The following FGGY variants were observed in gnomAD, a reference collection of about 807,000 sequenced individuals.
FGGY encodes FGGY carbohydrate kinase domain containing.
Under a neutral mutation model 71.3 loss-of-function variants are expected in FGGY, and 72 were observed. That is an observed-to-expected ratio of 1.01 (90% CI 0.84 to 1.23). FGGY has a LOEUF of 1.23. Ranked by LOEUF, FGGY falls within the 50% of genes most tolerant of loss-of-function variation. FGGY has a pLI of 0.00. For synonymous variants in FGGY, 251 were observed against 250.3 expected (o/e 1.00, Z -0.02); for missense variants, 668 against 682.3 (o/e 0.98, Z 0.23).
At chr1:59,580,342 C>T (rs994065108) in intron 8 of FGGY, among the ~76,000 whole-genome samples, 1 of 152,098 alleles carries the variant, frequency 6.6e-6, no homozygotes, top group Non-Finnish European at 1.5e-5. Context: ...TTGCTTTAGC[C>T]TTTCCACATG....
At chr1:59,548,242 A>C (rs2095556192) in intron 7 of FGGY, among the ~76,000 whole-genome samples, 1 of 152,180 alleles carries the variant, frequency 6.6e-6, no homozygotes, top group African/African-American at 2.4e-5. Context: ...AGGATATCCT[A>C]GGCAGAGGGA....
chr1:59,583,820 C>T (rs2096236996), intron 8 of FGGY, among the ~76,000 whole-genome samples: 4 of 141,912 alleles, frequency 2.8e-5, no homozygotes, highest in Admixed American at 2.8e-4. Flanking sequence ...AGTGAGAGGT[C>T]CAAATTCAAC....
intron 4 of FGGY, among the ~76,000 whole-genome samples, chr1:59,366,128 C>A (rs2056544194): frequency 6.6e-6 from 1 of 152,152 alleles, no homozygotes; most frequent in South Asian, 2.1e-4. Flanking sequence ...GGGAAATCAA[C>A]TCTAGTGTGG....
chr1:59,571,099 A>G (rs1235069081), intron 8 of FGGY, among the ~76,000 whole-genome samples: 1 of 152,180 alleles, frequency 6.6e-6, no homozygotes, highest in Admixed American at 6.5e-5. Context: ...GTAGTGGAAC[A>G]TTGGTGATGC....
At chr1:59,437,216 T>C (rs2068658170) in intron 5 of FGGY, among the ~76,000 whole-genome samples, 1 of 152,232 alleles carries the variant, frequency 6.6e-6, no homozygotes, top group African/African-American at 2.4e-5. Flanking sequence ...TGTGTGAAGA[T>C]GTCTGCCATG....
intron 4 of FGGY, among the ~76,000 whole-genome samples, chr1:59,357,079 C>G (rs1032669473): frequency 1.3e-5 from 2 of 152,166 alleles, no homozygotes; most frequent in African/African-American, 4.8e-5. Flanking sequence ...GCTGTTAGGG[C>G]ATGTGTTGTG....
In FGGY at chr1:59,721,906, A is replaced by G. The variant is rs2097900119; in HGVS notation, c.1513-36025A>G. Reference sequence around the variant, plus strand: ...CTTCTGCAGATTCCCTGAGGACAGCAATATCCAATAGTGTTTACTTGTTTT... The same window carrying G: ...CTTCTGCAGATTCCCTGAGGACAGCGATATCCAATAGTGTTTACTTGTTTT... On this transcript the variant is annotated intron_variant, in intron 14 of 15. Coordinates refer to ENST00000303721, the MANE Select transcript of FGGY (RefSeq NM_018291.5). Among the ~76,000 whole-genome samples the G allele has an allele frequency of 1.3e-5, 2 of 152,222 alleles. 1 individual carries two copies. The highest frequency in any genetic ancestry group is 1.3e-4 in the Admixed American group (2 of 15,282).
chr1:59,463,100 C>T (rs2092367472), intron 6 of FGGY, among the ~76,000 whole-genome samples: 1 of 151,916 alleles, frequency 6.6e-6, no homozygotes, highest in Non-Finnish European at 1.5e-5. Context: ...AAATGTGGCA[C>T]ATATACACCA....
chr1:59,628,719 T>A lies in FGGY; in HGVS notation c.1073+2670T>A, dbSNP rs1288533546. ...CAGGCTGTTTAAGTAAAGTAAGATA[T>A]TTTTATAGAATTATCAGAGAAACCC... is the stretch of plus-strand genomic sequence containing the variant. On this transcript the variant is annotated intron_variant, in intron 10 of 15. Coordinates refer to ENST00000303721, the MANE Select transcript of FGGY (RefSeq NM_018291.5). 3.3e-5 allele frequency among the ~76,000 whole-genome samples: 5 copies of A among 152,172 alleles called. No individual in the cohort carries two copies. In the South Asian group the frequency reaches 1.0e-3, roughly 32 times the overall value.
intron 10 of FGGY, among the ~76,000 whole-genome samples, chr1:59,627,469 TATATATATATATATATATATAC>T (rs1459999344): frequency 3.9e-5 from 5 of 128,696 alleles, no homozygotes; most frequent in Admixed American, 7.5e-5. Flanking sequence ...TATATATATA[TATATATATATATATATATATAC>T]ACACACACAC....
At chr1:59,734,131 A>G (rs2098076810) in intron 14 of FGGY, among the ~76,000 whole-genome samples, 1 of 152,110 alleles carries the variant, frequency 6.6e-6, no homozygotes, top group Non-Finnish European at 1.5e-5. Flanking sequence ...TCATTCCTCA[A>G]GTATCAGTTT....
At chr1:59,740,141 A>G (rs2098136038) in intron 14 of FGGY, among the ~76,000 whole-genome samples, 1 of 152,274 alleles carries the variant, frequency 6.6e-6, no homozygotes, top group East Asian at 1.9e-4. Flanking sequence ...ATCATTAGGT[A>G]CTTGTTTCTT....
chr1:59,419,019 ATGGCTGAAAAC>A (rs2064971877), intron 5 of FGGY, among the ~76,000 whole-genome samples: 1 of 152,122 alleles, frequency 6.6e-6, no homozygotes, highest in Non-Finnish European at 1.5e-5. Flanking sequence ...GACGTTTGGT[ATGGCTGAAAAC>A]TGGCTGTAGG....
intron 9 of FGGY, among the ~76,000 whole-genome samples, chr1:59,622,424 G>A (rs538607174): frequency 6.6e-6 from 1 of 152,096 alleles, no homozygotes; most frequent in South Asian, 2.1e-4. Context: ...TATTATTTCT[G>A]TTTCTCTTTT....
intron 6 of FGGY, among the ~76,000 whole-genome samples, chr1:59,507,684 A>ATTTTTTTTTTTTTTTTTTTTTTTTTTT (rs561953004): frequency 1.7e-4 from 18 of 106,904 alleles, no homozygotes; most frequent in African/African-American, 4.9e-4. Flanking sequence ...TGCTTGGCTA[A>ATTTTTTTTTTTTTTTTTTTTTTTTTTT]TTTTTTTTTT....
At chr1:59,547,046 G>T (rs1350327299) in intron 7 of FGGY, among the ~76,000 whole-genome samples, 2 of 144,430 alleles carry the variant, frequency 1.4e-5, no homozygotes, top group Non-Finnish European at 3.0e-5. Flanking sequence ...TCCACCTCCT[G>T]CATTCAAGCA....
At chr1:59,654,541 T>C (rs556102397) in intron 11 of FGGY, among the ~76,000 whole-genome samples, 2 of 152,162 alleles carry the variant, frequency 1.3e-5, no homozygotes, top group South Asian at 4.2e-4. Flanking sequence ...TTTTTAAGCC[T>C]TTTTTTTCTT....
intron 8 of FGGY, among the ~76,000 whole-genome samples, chr1:59,573,992 A>G (rs1473712271): frequency 6.6e-6 from 1 of 152,132 alleles, no homozygotes; most frequent in South Asian, 2.1e-4. Flanking sequence ...GTACTATATT[A>G]TCTGTGTATG....
intron 14 of FGGY, among the ~76,000 whole-genome samples, chr1:59,729,901 T>G (rs2098002949): frequency 6.6e-6 from 1 of 152,170 alleles, no homozygotes; most frequent in African/African-American, 2.4e-5. Flanking sequence ...TCTCTTCCTC[T>G]TAAAAGGTCT....
Sources: allele counts gnomAD v4.1 joint callset (sites outside exome capture counted in the v4.1 genomes callset), GRCh38; gene constraint gnomAD v4.1.1; transcripts MANE v1.5; gene names NCBI Gene and HGNC (gene_info 2026-07-23, HGNC 2026-07-21).